ELP3: variants seen among roughly 807,000 people sequenced by gnomAD.
ELP3 encodes elongator complex protein 3.
A neutral mutation model predicts 74.9 loss-of-function variants in ELP3; 56 were observed. The observed-to-expected ratio is 0.75, with a 90% CI of 0.60 to 0.93. ELP3 has a LOEUF of 0.93. ELP3 is among the 40% of genes least tolerant of loss of function. The pLI, the probability that ELP3 is intolerant of heterozygous loss-of-function variation, is 0.00. For missense variants in ELP3, 573 were observed against 686.5 expected (o/e 0.83, Z 1.85); for synonymous variants, 222 against 239.8 (o/e 0.93, Z 0.68).
Position 28,113,184 on chromosome 8 carries a change from C to A in ELP3, c.617+11C>A. 1.9e-6 allele frequency: 3 copies of A among 1,609,968 alleles called. No individual in the cohort carries two copies. Among genetic ancestry groups the A allele is most frequent in the Non-Finnish European group, 2.5e-6 (3 of 1,177,922 alleles). ...TTACGAGGCAGTCAAGTAAGAAATTCTTATTTTATCATAGTCTCCAGAGTG... is the reference window on the plus strand; with the variant it reads ...TTACGAGGCAGTCAAGTAAGAAATTATTATTTTATCATAGTCTCCAGAGTG... On this transcript the variant is annotated intron_variant, in intron 7 of 14. Transcript: ENST00000256398.
At chr8:28,161,266 T>C (rs899485439) in intron 13 of ELP3, among the ~76,000 whole-genome samples, 2 of 152,212 alleles carry the variant, frequency 1.3e-5, no homozygotes, top group African/African-American at 4.8e-5. Context: ...TTGCCTGGTT[T>C]CTCAACTCTT....
chr8:28,161,227 T>C (rs1814072749), intron 13 of ELP3, among the ~76,000 whole-genome samples: 4 of 152,168 alleles, frequency 2.6e-5, no homozygotes, highest in African/African-American at 9.7e-5. Context: ...GGATATGATA[T>C]ACGAGCCAAA....
chr8:28,181,107 A>G (rs552946593), intron 14 of ELP3, among the ~76,000 whole-genome samples: 16 of 152,316 alleles, frequency 1.1e-4, no homozygotes, highest in African/African-American at 3.6e-4. Flanking sequence ...TTGGCCTGAC[A>G]ACTAAGAGCT....
rs1178037741 is a variant in ELP3 at position 28,143,620 on chromosome 8, T to C, written c.1100+5729T>C. On this transcript the variant is annotated intron_variant, in intron 10 of 14. Coordinates refer to ENST00000256398, the MANE Select transcript of ELP3 (RefSeq NM_018091.6). The stretch of plus-strand genomic sequence containing the variant: ...TAGTACTCTGCAATTTTAATTTGTC[T>C]TTTTTAGTAAACTGTTCGCCTTGTT... 2.0e-5 allele frequency among the ~76,000 whole-genome samples: 3 copies of C among 152,342 alleles called. No homozygotes were observed. The East Asian group carries it at 5.8e-4, about 29-fold the overall frequency.
chr8:28,097,151 C>T, intron 1 of ELP3, 68 bp from the exon 2 acceptor site: 1 of 1,107,556 alleles, frequency 9.0e-7, no homozygotes, highest in South Asian at 1.4e-5. Flanking sequence ...AAAACTGCTA[C>T]TAAATCAGAT....
chr8:28,106,204 A>C (rs931759516), intron 3 of ELP3, among the ~76,000 whole-genome samples: 20 of 152,220 alleles, frequency 1.3e-4, no homozygotes, highest in Non-Finnish European at 2.5e-4. Flanking sequence ...AAGATGATTA[A>C]TATTGAACAG....
At chr8:28,169,221 C>T (rs1212646129) in intron 14 of ELP3, among the ~76,000 whole-genome samples, 2 of 152,224 alleles carry the variant, frequency 1.3e-5, no homozygotes, top group African/African-American at 4.8e-5. Flanking sequence ...CAGATCTCTA[C>T]CTGCGTGATC....
chr8:28,091,236 G>T (rs1487596006), upstream of ELP3, among the ~76,000 whole-genome samples: 1 of 151,984 alleles, frequency 6.6e-6, no homozygotes, highest in African/African-American at 2.4e-5. Context: ...TTTAAGAGTC[G>T]GTTCTGTGCT....
At chr8:28,174,556 C>G (rs940002251) in intron 14 of ELP3, among the ~76,000 whole-genome samples, 4 of 152,172 alleles carry the variant, frequency 2.6e-5, no homozygotes, top group African/African-American at 9.6e-5. Context: ...TGTCCCTCCC[C>G]CTCTGTATTG....
At chr8:28,187,979 T>C (rs1563296420) in intron 14 of ELP3, among the ~76,000 whole-genome samples, 1 of 152,062 alleles carries the variant, frequency 6.6e-6, no homozygotes, top group Non-Finnish European at 1.5e-5. Flanking sequence ...TGATTTCAGT[T>C]AGGGATACGA....
intron 14 of ELP3, among the ~76,000 whole-genome samples, chr8:28,165,016 G>C (rs976632586): frequency 6.6e-6 from 1 of 152,096 alleles, no homozygotes; most frequent in African/African-American, 2.4e-5. Flanking sequence ...TTACCTCATT[G>C]GATTAGCTGA....
chr8:28,103,809 T>C (rs561919691), intron 3 of ELP3, among the ~76,000 whole-genome samples: 1 of 152,282 alleles, frequency 6.6e-6, no homozygotes, highest in African/African-American at 2.4e-5. Context: ...CACAGCTCAC[T>C]GCAGCAACCT....
chr8:28,137,222 C>T (rs921240426), intron 9 of ELP3, among the ~76,000 whole-genome samples: 2 of 152,078 alleles, frequency 1.3e-5, no homozygotes, highest in African/African-American at 2.4e-5. Context: ...TGAAGGCAGA[C>T]ATTGAATAGA....
At chr8:28,108,457 C>CTTTTTTTTTTTTTTTTTTT (rs33948469) in intron 5 of ELP3, among the ~76,000 whole-genome samples, 1 of 117,572 alleles carries the variant, frequency 8.5e-6, no homozygotes, top group African/African-American at 3.3e-5. Context: ...ATTTTTTTTT[C>CTTTTTTTTTTTTTTTTTTT]TTTTTTTTTT....
At position 28,152,398 on chromosome 8, in the gene ELP3, C is replaced by T. The variant is rs529951042; in HGVS notation, c.1101-3544C>T. 9.8e-5 allele frequency among the ~76,000 whole-genome samples: 15 copies of T among 152,312 alleles called. No individual in the cohort carries two copies. In the South Asian group the frequency reaches 2.5e-3, roughly 25 times the overall value. On this transcript the variant is annotated intron_variant, in intron 10 of 14. Coordinates refer to ENST00000256398, the MANE Select transcript of ELP3 (RefSeq NM_018091.6). ...TACATGATTTACATATATTTTCTCTCATTCTGTGAGTTATTTTTTTCACTT... is the reference window on the plus strand; with the variant it reads ...TACATGATTTACATATATTTTCTCTTATTCTGTGAGTTATTTTTTTCACTT...
chr8:28,093,510 G>T, intron 1 of ELP3: 2 of 527,446 alleles, frequency 3.8e-6, no homozygotes, highest in Non-Finnish European at 6.7e-6. Context: ...TGCCCTCCGA[G>T]GAGTTAACGT....
intron 9 of ELP3, among the ~76,000 whole-genome samples, chr8:28,136,045 T>G (rs937583380): frequency 1.3e-5 from 2 of 149,290 alleles, no homozygotes; most frequent in Admixed American, 1.3e-4. Context: ...CACTGCAACC[T>G]CCGCCTCCTG....
At position 28,137,892 on chromosome 8, in the gene ELP3, G is replaced by A. The variant is rs746795633; in HGVS notation, c.1100+1G>A. On this transcript the variant is annotated splice_donor_variant, in intron 10 of 14. Transcript: ENST00000256398. LOFTEE classifies it high-confidence loss of function. ...GGACTCGAGTGTACCGAGTACAGAGGTAGTGTGTTATCTTTTATTCCTAAA... is the reference window on the plus strand; with the variant it reads ...GGACTCGAGTGTACCGAGTACAGAGATAGTGTGTTATCTTTTATTCCTAAA... 6.3e-7 allele frequency: 1 copy of A among 1,583,500 alleles called. No individual in the cohort carries two copies. The highest frequency in any genetic ancestry group is 1.2e-5 in the South Asian group (1 of 85,496).
intron 14 of ELP3, among the ~76,000 whole-genome samples, chr8:28,183,921 A>G (rs17058697): frequency 0.082 from 12,488 of 152,254 alleles, 947 homozygotes; most frequent in East Asian, 0.33. Context: ...GGGCTCGGAG[A>G]CGGTCCAGGC....
Sources: gnomAD v4.1 joint callset for allele counts (sites outside exome capture counted in the v4.1 genomes callset) on GRCh38, gnomAD v4.1.1 for gene constraint, MANE v1.5 for transcripts, NCBI Gene and HGNC (gene_info 2026-07-23, HGNC 2026-07-21) for gene names.